Variants in SUSD4 observed in about 807,000 individuals in gnomAD.
SUSD4 encodes the protein sushi domain-containing protein 4.
SUSD4 carries 41 observed loss-of-function variants against 50.5 expected under a neutral mutation model. The observed-to-expected ratio is 0.81, with a 90% CI of 0.63 to 1.05. SUSD4 has a LOEUF of 1.05. Ranked by LOEUF, SUSD4 falls within the 50% of genes least tolerant of loss-of-function variation. SUSD4 has a pLI of 0.00. For synonymous variants in SUSD4, 257 were observed against 257.3 expected, an observed-to-expected ratio of 1.00 and a Z score of 0.01; for missense variants, 580 against 634.7, an observed-to-expected ratio of 0.91 and a Z score of 0.93.
At chr1:223,282,363 C>T (rs891352993) in intron 3 of SUSD4, among the ~76,000 whole-genome samples, 7 of 152,242 alleles carry the variant, frequency 4.6e-5, no homozygotes, top group African/African-American at 1.7e-4. Context: ...CCAAAATCTC[C>T]TTAACCTGAT....
At chr1:223,274,586 T>A (rs1393543474) in intron 3 of SUSD4, among the ~76,000 whole-genome samples, 2 of 152,226 alleles carry the variant, frequency 1.3e-5, no homozygotes, top group African/African-American at 4.8e-5. Flanking sequence ...TAAGCATGCT[T>A]CTTGTACTTA....
At chr1:223,257,125 C>CA (rs1661749905) in intron 5 of SUSD4, among the ~76,000 whole-genome samples, 1 of 152,154 alleles carries the variant, frequency 6.6e-6, no homozygotes, top group Non-Finnish European at 1.5e-5. Flanking sequence ...GCTAGGAGTG[C>CA]AGGGAGGAAC....
At chr1:223,228,861 A>G (rs1659699746) in intron 6 of SUSD4, among the ~76,000 whole-genome samples, 1 of 151,704 alleles carries the variant, frequency 6.6e-6, no homozygotes, top group African/African-American at 2.4e-5. Flanking sequence ...CATGGATGCT[A>G]GGGGTCTAGG....
At chr1:223,255,742 C>A (rs1024240526) in intron 5 of SUSD4, among the ~76,000 whole-genome samples, 3 of 151,200 alleles carry the variant, frequency 2.0e-5, no homozygotes, top group African/African-American at 7.3e-5. Flanking sequence ...AGCTCCCCTG[C>A]TATATCAAGT....
At chr1:223,247,102 G>T (rs1045725146) in intron 5 of SUSD4, among the ~76,000 whole-genome samples, 1 of 152,078 alleles carries the variant, frequency 6.6e-6, no homozygotes, top group Non-Finnish European at 1.5e-5. Flanking sequence ...ACAGCCCCCC[G>T]GGTGTTCTTC....
At chr1:223,233,144 G>C (rs967197226) in intron 5 of SUSD4, among the ~76,000 whole-genome samples, 1 of 152,178 alleles carries the variant, frequency 6.6e-6, no homozygotes, top group African/African-American at 2.4e-5. Flanking sequence ...TCAGAGGCCA[G>C]ATAAAAACCA....
At chr1:223,345,099 T>G (rs918233068) in intron 2 of SUSD4, among the ~76,000 whole-genome samples, 5 of 152,210 alleles carry the variant, frequency 3.3e-5, no homozygotes, top group African/African-American at 1.2e-4. Context: ...AATAGATAAT[T>G]GGACATTGTG....
At chr1:223,273,999 G>T (rs1663092104) in intron 3 of SUSD4, among the ~76,000 whole-genome samples, 1 of 152,116 alleles carries the variant, frequency 6.6e-6, no homozygotes, top group Non-Finnish European at 1.5e-5. Context: ...ACCTGATGGT[G>T]GTCTCAGGGA....
Position 223,221,932 on chromosome 1 carries a change from CT to C in SUSD4, c.*259del, listed in dbSNP as rs528956358. On this transcript the variant is annotated 3_prime_UTR_variant, in exon 9 of 9. Transcript: ENST00000366878. Reference sequence around the variant, plus strand: ...ACAGCACGATACACATTTAACACCCCTCATCCAAGACCACGCGAGGGCTTCC... The same window carrying C: ...ACAGCACGATACACATTTAACACCCCCATCCAAGACCACGCGAGGGCTTCC... 3.4e-4 allele frequency: 154 copies of C among 449,420 alleles called. 2 individuals are homozygous for C. Among genetic ancestry groups the C allele is most frequent in the African/African-American group, 2.9e-3 (145 of 49,812 alleles). 27.8% of individuals were successfully genotyped at this position (449,420 alleles called of 1,614,324 possible).
intron 3 of SUSD4, among the ~76,000 whole-genome samples, chr1:223,284,518 G>A (rs1199486169): frequency 6.6e-6 from 1 of 152,190 alleles, no homozygotes; most frequent in Non-Finnish European, 1.5e-5. Context: ...TTGTAGGGTT[G>A]CTGTAGTAAT....
At chr1:223,283,905 A>G (rs1356420558) in intron 3 of SUSD4, among the ~76,000 whole-genome samples, 1 of 152,244 alleles carries the variant, frequency 6.6e-6, no homozygotes, top group East Asian at 1.9e-4. Context: ...GCAGCCATAA[A>G]AAAGGATGAG....
chr1:223,284,727 G>A (rs894247218), intron 3 of SUSD4, among the ~76,000 whole-genome samples: 2 of 152,090 alleles, frequency 1.3e-5, no homozygotes, highest in African/African-American at 4.8e-5. Flanking sequence ...GGAACTGGGG[G>A]ACATTATTTT....
intron 2 of SUSD4, among the ~76,000 whole-genome samples, chr1:223,347,373 T>C (rs1028189365): frequency 1.3e-5 from 2 of 152,172 alleles, no homozygotes; most frequent in Non-Finnish European, 2.9e-5. Flanking sequence ...CCGCCTCCCC[T>C]TCCCAGTGCA....
chr1:223,288,508 A>G (rs1038548952), intron 3 of SUSD4, among the ~76,000 whole-genome samples: 2 of 152,216 alleles, frequency 1.3e-5, no homozygotes, highest in African/African-American at 2.4e-5. Flanking sequence ...GTACAACATT[A>G]TCTCATAGCC....
intron 2 of SUSD4, among the ~76,000 whole-genome samples, chr1:223,324,898 G>A (rs773151286): frequency 7.9e-5 from 12 of 151,942 alleles, no homozygotes; most frequent in Non-Finnish European, 1.2e-4. Flanking sequence ...TTGTAAACAC[G>A]TACTCACATT....
Position 223,234,925 on chromosome 1 carries a change from A to T in SUSD4, c.725-5537T>A, listed in dbSNP as rs760366447. The T allele has an allele frequency of 9.6e-6, 15 of 1,565,770 alleles. No individual in the cohort carries two copies. In the African/African-American group the frequency reaches 1.9e-4, roughly 20 times the overall value. On this transcript the variant is annotated intron_variant, in intron 5 of 8. Coordinates refer to ENST00000366878, the MANE Select transcript of SUSD4 (RefSeq NM_017982.4). ...GATAAAAATGGAATGTTTAATTCAA[A>T]CGTCCTTTATTGCAGGAGAACAACA... is the stretch of plus-strand genomic sequence containing the variant.
chr1:223,320,976 T>A (rs1029568961), intron 2 of SUSD4, among the ~76,000 whole-genome samples: 8 of 152,358 alleles, frequency 5.3e-5, no homozygotes, highest in African/African-American at 1.9e-4. Flanking sequence ...CTCATTCTAA[T>A]AGCCTCTCAT....
chr1:223,301,330 C>T (rs894990042), intron 2 of SUSD4, among the ~76,000 whole-genome samples: 1 of 152,214 alleles, frequency 6.6e-6, no homozygotes, highest in Non-Finnish European at 1.5e-5. Flanking sequence ...CTTAAAACAT[C>T]CCAGAATCCA....
intron 2 of SUSD4, among the ~76,000 whole-genome samples, chr1:223,361,002 T>C (rs1668946440): frequency 6.6e-6 from 1 of 152,346 alleles, no homozygotes; most frequent in Admixed American, 6.5e-5. Context: ...AGTGTGGTCC[T>C]TGGATCAGTG....
Sources: allele counts gnomAD v4.1 joint callset (sites outside exome capture counted in the v4.1 genomes callset), GRCh38; gene constraint gnomAD v4.1.1; transcripts MANE v1.5; gene names NCBI Gene and HGNC (gene_info 2026-07-23, HGNC 2026-07-21).